The following ERCC6 variants were observed in gnomAD, a reference collection of about 807,000 sequenced individuals.
ERCC6 encodes DNA excision repair protein ERCC-6.
A neutral mutation model predicts 158.7 loss-of-function variants in ERCC6; 116 were observed. The observed-to-expected ratio is 0.73, with a 90% CI of 0.63 to 0.85. The LOEUF (loss-of-function observed/expected upper bound fraction) is 0.85. Ranked by LOEUF, ERCC6 falls within the 40% of genes least tolerant of loss-of-function variation. The pLI, the probability that ERCC6 is intolerant of heterozygous loss-of-function variation, is 0.00. For missense variants in ERCC6, 1,698 were observed against 1,799.4 expected (o/e 0.94, Z 1.02); for synonymous variants, 678 against 659.3 (o/e 1.03, Z -0.43).
intron 18 of ERCC6, among the ~76,000 whole-genome samples, chr10:49,469,562 G>A (rs967886216): frequency 2.0e-5 from 3 of 152,070 alleles, no homozygotes; most frequent in Non-Finnish European, 4.4e-5. Context: ...AATTAACCAT[G>A]CTAAATAAAA....
chr10:49,476,395 A>C, intron 11 of ERCC6, 85 bp from the exon 12 acceptor site: 4 of 896,196 alleles, frequency 4.5e-6, no homozygotes, highest in Non-Finnish European at 3.6e-6. Flanking sequence ...CTTCCTGATC[A>C]AAAGAGCACA....
chr10:49,493,177 C>T lies in ERCC6; in HGVS notation c.1761G>A (p.Thr587=), dbSNP rs144608959. ...TTGCCACTCTGAACGGAGGCCACCA[C>T]GTGTGAAATTCCTTCACCCACTGAT... The part of the protein sequence containing the change: ...VMHQWVKEFH[T]WWPPFRVAIL... Residue 587 remains threonine, a synonymous_variant, in exon 8 of 21, where the codon ACG becomes ACA. Transcript: ENST00000355832. 19 of 1,614,118 alleles carry T rather than the reference C, an allele frequency of 1.2e-5. No homozygotes were observed. Among genetic ancestry groups the T allele is most frequent in the Admixed American group, 1.7e-5 (1 of 60,022 alleles).
At chr10:49,461,759 C>G (rs1030851941) in intron 18 of ERCC6, among the ~76,000 whole-genome samples, 70 of 152,090 alleles carry the variant, frequency 4.6e-4, no homozygotes, top group African/African-American at 1.7e-3. Flanking sequence ...AACCTATAAC[C>G]TTCCTATTTA....
intron 5 of ERCC6, among the ~76,000 whole-genome samples, chr10:49,509,553 A>G (rs187400921): frequency 3.9e-5 from 6 of 152,316 alleles, no homozygotes; most frequent in Non-Finnish European, 7.4e-5. Flanking sequence ...GAATATCTCA[A>G]TTTAAAAATT....
rs1317229199 is a variant in ERCC6, at chr10:49,459,156, A to G, written c.4141T>C (p.Ser1381Pro). 6.2e-7 allele frequency: 1 copy of G among 1,614,210 alleles called. No homozygotes were observed. Among genetic ancestry groups the G allele is most frequent in the Non-Finnish European group, 8.5e-7 (1 of 1,180,034 alleles). ...SGRAEDADSSSGPLASSSLLA... is the reference protein window; with the variant it reads ...SGRAEDADSSPGPLASSSLLA... The stretch of plus-strand genomic sequence containing the variant: ...AGTGAGGAGGAAGCGAGGGGCCCGG[A>G]TGAAGAGTCTGCATCTTCTGCTCTT... The change falls in exon 21 of 21, where the codon TCC (serine) becomes CCC (proline). Residue 1381 changes from serine to proline, a missense_variant. Physicochemically the swap from Ser to Pro is moderately conservative, Grantham distance 74. Coordinates refer to ENST00000355832, the MANE Select transcript of ERCC6 (RefSeq NM_000124.4).
At chr10:49,516,455 G>T in intron 5 of ERCC6, 1 of 1,614,094 alleles carries the variant, frequency 6.2e-7, no homozygotes, top group Non-Finnish European at 8.5e-7. Flanking sequence ...TTTCAAACCG[G>T]TCACGTCTCA....
At position 49,482,675 on chromosome 10, in the gene ERCC6, C is replaced by G. The variant is rs753835693; in HGVS notation, c.2169+12G>C. ...TTAAAATGCCAAAAGTATTATCATCCTAATATTTTACCTGTACTGGGGAAG... is the reference window on the plus strand; with the variant it reads ...TTAAAATGCCAAAAGTATTATCATCGTAATATTTTACCTGTACTGGGGAAG... On this transcript the variant is annotated intron_variant, in intron 10 of 20. Coordinates refer to ENST00000355832, the MANE Select transcript of ERCC6 (RefSeq NM_000124.4). 1.9e-6 allele frequency: 3 copies of G among 1,609,918 alleles called. No homozygotes were observed. Among genetic ancestry groups the G allele is most frequent in the Admixed American group, 1.7e-5 (1 of 59,924 alleles).
chr10:49,500,442 G>T, intron 7 of ERCC6, 96 bp downstream of exon 7: 1 of 1,379,068 alleles, frequency 7.3e-7, no homozygotes, highest in Non-Finnish European at 1.0e-6. Context: ...TAATTGAAAT[G>T]TCATCAATAA....
rs765902760 is a variant in ERCC6 at position 49,459,067 on chromosome 10, C to A, written c.4230G>T (p.Gly1410=). ...GCAGGGCAGAAGCTTCCTGCAGGTGCCCGCTTTCACTTTCTAAACGCTCTG... is the reference window on the plus strand; with the variant it reads ...GCAGGGCAGAAGCTTCCTGCAGGTGACCGCTTTCACTTTCTAAACGCTCTG... ...ILPERLESES[G]HLQEASALLP... Residue 1410 remains glycine, a synonymous_variant, in exon 21 of 21, where the codon GGG becomes GGT. Coordinates refer to ENST00000355832, the MANE Select transcript of ERCC6 (RefSeq NM_000124.4). 1 of 1,614,178 alleles carries A rather than the reference C, an allele frequency of 6.2e-7. No homozygotes were observed. The highest frequency in any genetic ancestry group is 1.7e-5 in the Admixed American group (1 of 60,020).
At chr10:49,509,026 G>GA (rs1851492400) in intron 5 of ERCC6, among the ~76,000 whole-genome samples, 1 of 152,152 alleles carries the variant, frequency 6.6e-6, no homozygotes, top group South Asian at 2.1e-4. Flanking sequence ...GACATATGCA[G>GA]AAGTGCAGGC....
chr10:49,530,648 T>C, intron 3 of ERCC6, 72 bp downstream of exon 3: 1 of 1,587,868 alleles, frequency 6.3e-7, no homozygotes, highest in Non-Finnish European at 8.6e-7. Flanking sequence ...CTTTTTAAAA[T>C]ACTTCCTAAA....
chr10:49,482,795 C>G lies in ERCC6; in HGVS notation c.2061G>C (p.Ser687=). The change falls in exon 10 of 21, where the codon TCG becomes TCC. Residue 687 remains serine (S), a synonymous_variant. Transcript: ENST00000355832. ...TTCCCGGGAAGATGAAGTCAAAGAGCGACCACAGCTCTCGGAGGTTATTTT... is the reference window on the plus strand; with the variant it reads ...TTCCCGGGAAGATGAAGTCAAAGAGGGACCACAGCTCTCGGAGGTTATTTT... ...PMQNNLRELW[S]LFDFIFPGKL... 6.2e-7 allele frequency: 1 copy of G among 1,613,934 alleles called. No homozygotes were observed. Among genetic ancestry groups the G allele is most frequent in the South Asian group, 1.1e-5 (1 of 91,052 alleles).
At chr10:49,438,986 G>A in the ERCC6 span, among the ~76,000 whole-genome samples, 1 of 152,192 alleles carries the variant, frequency 6.6e-6, no homozygotes, top group African/African-American at 2.4e-5. Flanking sequence ...TGGCTTTGCA[G>A]GGTACAGACT....
rs771454918 is a variant in ERCC6, at chr10:49,493,258, T to A, written c.1686-6A>T. 6 of 1,613,870 alleles carry A rather than the reference T, an allele frequency of 3.7e-6. No individual in the cohort carries two copies. The South Asian group carries it at 6.6e-5, about 18-fold the overall frequency. On this transcript the variant is annotated splice_polypyrimidine_tract_variant and splice_region_variant and intron_variant, in intron 7 of 20. Transcript: ENST00000355832. ...TTGGACCCAACCCCTCAAACCTGCA[T>A]CCAAACGTCCAAGAAGAAAACAACC...
intron 4 of ERCC6, among the ~76,000 whole-genome samples, chr10:49,527,826 T>C (rs1207801891): frequency 6.6e-6 from 1 of 152,208 alleles, no homozygotes; most frequent in African/African-American, 2.4e-5. Flanking sequence ...AGTCAATGCC[T>C]ATGCAGCCAC....
chr10:49,523,481 A>G (rs533090507), intron 5 of ERCC6, among the ~76,000 whole-genome samples: 1 of 152,388 alleles, frequency 6.6e-6, no homozygotes, highest in South Asian at 2.1e-4. Flanking sequence ...CTGTGCATAC[A>G]AAGTACACTT....
the ERCC6 span, among the ~76,000 whole-genome samples, chr10:49,435,206 AG>A: frequency 6.6e-6 from 1 of 152,238 alleles, no homozygotes; most frequent in Non-Finnish European, 1.5e-5. Flanking sequence ...GTCTTAAAAC[AG>A]AAAAATCAAA....
chr10:49,475,133 C>T (rs1850853269), intron 12 of ERCC6, among the ~76,000 whole-genome samples: 1 of 152,206 alleles, frequency 6.6e-6, no homozygotes. Flanking sequence ...AGTCACTAGT[C>T]ACACGTGGCT....
intron 5 of ERCC6, chr10:49,515,236 T>G: frequency 6.9e-7 from 1 of 1,451,176 alleles, no homozygotes; most frequent in Non-Finnish European, 9.1e-7. Context: ...TCCATTGTTA[T>G]GTGACGTTCC....
Sources: allele counts gnomAD v4.1 joint callset (sites outside exome capture counted in the v4.1 genomes callset), GRCh38; gene constraint gnomAD v4.1.1; transcripts MANE v1.5; gene names NCBI Gene and HGNC (gene_info 2026-07-23, HGNC 2026-07-21).